DPH5: variants seen among roughly 807,000 people sequenced by gnomAD.
DPH5 encodes diphthine methyl ester synthase.
DPH5 carries 31 observed loss-of-function variants against 31.6 expected under a neutral mutation model. That is an observed-to-expected ratio of 0.98 (90% CI 0.74 to 1.32). The LOEUF (loss-of-function observed/expected upper bound fraction) is 1.32, where lower values mean the gene tolerates loss of function less well. DPH5 is among the 40% of genes most tolerant of loss of function. The pLI is 0.00. For missense variants in DPH5, 309 were observed against 335.7 expected (o/e 0.92, Z 0.62); for synonymous variants, 120 against 115.0 (o/e 1.04, Z -0.28).
intron 4 of DPH5, among the ~76,000 whole-genome samples, chr1:101,003,152 T>C (rs1181594629): frequency 6.6e-6 from 1 of 152,206 alleles, no homozygotes; most frequent in East Asian, 1.9e-4. Context: ...AAGACCCATG[T>C]AACTCCAAGT....
intron 3 of DPH5, among the ~76,000 whole-genome samples, chr1:101,018,699 A>C (rs1441317679): frequency 6.6e-6 from 1 of 152,186 alleles, no homozygotes; most frequent in African/African-American, 2.4e-5. Flanking sequence ...AATAATTGAC[A>C]ATATGCTTTA....
chr1:101,022,837 A>C (rs1256893816), intron 2 of DPH5: 1 of 152,172 alleles, frequency 6.6e-6, no homozygotes, highest in Non-Finnish European at 1.5e-5. Flanking sequence ...TGTGAAGTTA[A>C]ACTTTGTGTA....
At chr1:101,013,070 A>G (rs993753595) in intron 4 of DPH5, among the ~76,000 whole-genome samples, 1 of 152,234 alleles carries the variant, frequency 6.6e-6, no homozygotes, top group Non-Finnish European at 1.5e-5. Context: ...AACCACTGTT[A>G]GCCAAGCAGC....
At chr1:101,003,451 G>C (rs1166785316) in intron 4 of DPH5, among the ~76,000 whole-genome samples, 1 of 152,200 alleles carries the variant, frequency 6.6e-6, no homozygotes, top group African/African-American at 2.4e-5. Context: ...TCTTGCTCAT[G>C]TCTCATACAG....
At chr1:101,014,021 T>TA (rs1352933883) in intron 3 of DPH5, among the ~76,000 whole-genome samples, 1 of 152,202 alleles carries the variant, frequency 6.6e-6, no homozygotes, top group Non-Finnish European at 1.5e-5. Flanking sequence ...GCTGAGTTGC[T>TA]ACTGTAACAC....
At chr1:101,013,368 T>C (rs1045707679) in intron 4 of DPH5, among the ~76,000 whole-genome samples, 2 of 152,240 alleles carry the variant, frequency 1.3e-5, no homozygotes, top group African/African-American at 4.8e-5. Flanking sequence ...ACAATGCTCT[T>C]GACAGCACAC....
intron 4 of DPH5, among the ~76,000 whole-genome samples, chr1:101,006,923 C>T (rs751163009): frequency 2.0e-5 from 3 of 152,206 alleles, no homozygotes; most frequent in Non-Finnish European, 4.4e-5. Context: ...AAGTCAGCCA[C>T]AACTGATAAT....
chr1:100,991,044 T>C, intron 7 of DPH5, among the ~76,000 whole-genome samples: 1 of 152,348 alleles, frequency 6.6e-6, no homozygotes, highest in South Asian at 2.1e-4. Flanking sequence ...TGAAATAAAT[T>C]CACAGATTTG....
chr1:100,992,502 C>T (rs1657849623), intron 7 of DPH5, 135 bp downstream of exon 7: 2 of 576,196 alleles, frequency 3.5e-6, no homozygotes, highest in Admixed American at 3.7e-5. Flanking sequence ...TAAAGTTGGA[C>T]AAAAATGACA....
chr1:101,025,574 AAGGAGGGGT>A (rs2101332698), intron 1 of DPH5, 100 bp downstream of exon 1: 2 of 1,138,900 alleles, frequency 1.8e-6, no homozygotes, highest in East Asian at 5.1e-5. Context: ...GGCAAGTCAC[AAGGAGGGGT>A]TTGGGAACCT....
intron 4 of DPH5, among the ~76,000 whole-genome samples, chr1:101,007,937 G>A (rs921682056): frequency 3.3e-5 from 5 of 151,984 alleles, no homozygotes; most frequent in Admixed American, 2.0e-4. Flanking sequence ...AGAAAAATCT[G>A]CAAAATGTTA....
At chr1:100,992,832 A>G (rs1657897114) in intron 6 of DPH5, 92 bp from the exon 7 acceptor site, 6 of 770,374 alleles carry the variant, frequency 7.8e-6, no homozygotes, top group Non-Finnish European at 1.3e-5. Flanking sequence ...ATACTCAAGT[A>G]CCACAGTCTA....
chr1:100,999,234 G>C (rs1468952496), intron 5 of DPH5, among the ~76,000 whole-genome samples: 1 of 152,064 alleles, frequency 6.6e-6, no homozygotes, highest in East Asian at 1.9e-4. Flanking sequence ...TGGATCGCTG[G>C]AGCCCAGAAA....
intron 2 of DPH5, among the ~76,000 whole-genome samples, chr1:101,024,423 T>C (rs1329954107): frequency 6.6e-6 from 1 of 152,132 alleles, no homozygotes; most frequent in African/African-American, 2.4e-5. Context: ...TCTCTCCACA[T>C]ATATGTATAT....
rs1660461177 is a variant in DPH5 at position 101,021,755 on chromosome 1, T to C, written c.146A>G (p.Tyr49Cys). The C allele has an allele frequency of 9.3e-6, 15 of 1,611,692 alleles. No homozygotes were observed. The highest frequency in any genetic ancestry group is 1.3e-5 in the Non-Finnish European group (15 of 1,178,920). Reference sequence around the variant, plus strand: ...ATCAGCAACAACCAATTTTCTTCCATAAAACTCTTCCTACAGATATAAGTC... The same window carrying C: ...ATCAGCAACAACCAATTTTCTTCCACAAAACTCTTCCTACAGATATAAGTC... ...TVGKEALEEF[Y>C]GRKLVVADRE... is the part of the protein sequence containing the mutation. The change falls in exon 3 of 8, where the codon TAT (tyrosine) becomes TGT (cysteine). Residue 49 changes from tyrosine to cysteine, a missense_variant. By Grantham distance (194) the Tyr-to-Cys change is radical. Transcript: ENST00000370109.
At chr1:101,002,850 G>A (rs561601575) in intron 4 of DPH5, among the ~76,000 whole-genome samples, 1 of 152,266 alleles carries the variant, frequency 6.6e-6, no homozygotes, top group East Asian at 1.9e-4. Context: ...AGACAAGCAG[G>A]AAGGAAACAG....
intron 5 of DPH5, among the ~76,000 whole-genome samples, chr1:100,998,342 C>T (rs1658553217): frequency 1.3e-5 from 2 of 151,968 alleles, no homozygotes; most frequent in African/African-American, 4.8e-5. Flanking sequence ...AAAACCCCAT[C>T]TCTACTAAAA....
chr1:100,998,834 G>A (rs1420954375), intron 5 of DPH5, among the ~76,000 whole-genome samples: 1 of 152,162 alleles, frequency 6.6e-6, no homozygotes, highest in Non-Finnish European at 1.5e-5. Flanking sequence ...AAGGGATTCA[G>A]GGTGCAGCAC....
chr1:100,990,545 A>C lies in DPH5; in HGVS notation c.721T>G (p.Cys241Gly). ...KIAAGTLRQM[C>G]TVDLGEPLHS... ...AATGGTTCTCCCAAGTCCACAGTGC[A>C]CATTTGCCTTAAAGTGCCTGCTGCA... The change falls in exon 8 of 8, where the codon TGC becomes GGC. Residue 241 changes from cysteine to glycine, a missense_variant. Physicochemically the swap from Cys to Gly is radical, Grantham distance 159. Coordinates refer to ENST00000370109, the MANE Select transcript of DPH5 (RefSeq NM_015958.3). 6.2e-7 allele frequency: 1 copy of C among 1,614,150 alleles called. No homozygotes were observed. The highest frequency in any genetic ancestry group is 2.2e-5 in the East Asian group (1 of 44,876).
Sources: gnomAD v4.1 joint callset for allele counts (sites outside exome capture counted in the v4.1 genomes callset) on GRCh38, gnomAD v4.1.1 for gene constraint, MANE v1.5 for transcripts, NCBI Gene and HGNC (gene_info 2026-07-23, HGNC 2026-07-21) for gene names.